The following ARSJ variants were observed in gnomAD, a reference collection of about 807,000 sequenced individuals.
ARSJ encodes arylsulfatase J.
ARSJ carries 26 observed loss-of-function variants against 35.9 expected under a neutral mutation model. The observed-to-expected ratio is 0.72, with a 90% CI of 0.53 to 1.00. The LOEUF is 1.00. Ranked by LOEUF, ARSJ falls within the 50% of genes least tolerant of loss-of-function variation. ARSJ has a pLI of 0.00. For missense variants in ARSJ, 667 were observed against 723.6 expected, an observed-to-expected ratio of 0.92 and a Z score of 0.90; for synonymous variants, 294 against 267.6, an observed-to-expected ratio of 1.10 and a Z score of -0.96.
chr4:113,902,762 A>G lies in ARSJ; in HGVS notation c.1312T>C (p.Tyr438His), dbSNP rs2099667534. Reference sequence around the variant, plus strand: ...TGGATTGCAGTGTTCCAGATCCCATAGCCTGCTGCCCAGGAGCCATTTTTT... The same window carrying G: ...TGGATTGCAGTGTTCCAGATCCCATGGCCTGCTGCCCAGGAGCCATTTTTT... Reference protein sequence around the residue: ...KAKNGSWAAGYGIWNTAIQSA... With the variant: ...KAKNGSWAAGHGIWNTAIQSA... The change falls in exon 2 of 2, where the codon TAT becomes CAT. Residue 438 changes from tyrosine to histidine, a missense_variant. Tyr to His is a moderately conservative substitution (Grantham distance 83). Coordinates refer to ENST00000315366, the MANE Select transcript of ARSJ (RefSeq NM_024590.4). 3.1e-6 allele frequency: 5 copies of G among 1,614,072 alleles called. No individual in the cohort carries two copies. Among genetic ancestry groups the G allele is most frequent in the Non-Finnish European group, 4.2e-6 (5 of 1,180,044 alleles).
chr4:113,910,016 G>T (rs1044564572), intron 1 of ARSJ, among the ~76,000 whole-genome samples: 1 of 152,002 alleles, frequency 6.6e-6, no homozygotes, highest in African/African-American at 2.4e-5. Context: ...TATTCCAAAT[G>T]CTTGTATTAC....
intron 1 of ARSJ, among the ~76,000 whole-genome samples, chr4:113,907,989 T>TA (rs2099669272): frequency 6.6e-6 from 1 of 152,142 alleles, no homozygotes; most frequent in African/African-American, 2.4e-5. Context: ...CATCGGGTAG[T>TA]ATGCTCACTA....
chr4:113,950,277 T>C (rs1725775167), intron 1 of ARSJ, among the ~76,000 whole-genome samples: 1 of 152,022 alleles, frequency 6.6e-6, no homozygotes, highest in African/African-American at 2.4e-5. Flanking sequence ...GAAAGAATAG[T>C]CCTATTCTAA....
chr4:113,926,338 A>G (rs2888763), intron 1 of ARSJ, among the ~76,000 whole-genome samples: 8,340 of 152,262 alleles, frequency 0.055, 318 homozygotes, highest in East Asian at 0.11. Context: ...AAAATGCACA[A>G]CCAGGTGCAC....
At position 113,976,473 on chromosome 4, in the gene ARSJ, C is replaced by T. The variant is rs76891544; in HGVS notation, c.398+1964G>A. 0.013 allele frequency among the ~76,000 whole-genome samples: 2,028 copies of T among 152,098 alleles called. 112 individuals are homozygous for T. The East Asian group carries it at 0.16, about 12-fold the overall frequency. On this transcript the variant is annotated intron_variant, in intron 1 of 1. Transcript: ENST00000315366. Reference sequence around the variant, plus strand: ...GTGGGAGTAATTTATATACTACTGCCCAAGATCATTGCCAGGGGCTGATTG... The same window carrying T: ...GTGGGAGTAATTTATATACTACTGCTCAAGATCATTGCCAGGGGCTGATTG...
chr4:113,929,879 T>C (rs562312014), intron 1 of ARSJ, among the ~76,000 whole-genome samples: 359 of 152,256 alleles, frequency 2.4e-3, no homozygotes, highest in African/African-American at 8.3e-3. Flanking sequence ...GTATTATGTA[T>C]AGAGTCACTA....
intron 1 of ARSJ, 46 bp downstream of exon 1, chr4:113,978,391 C>G (rs1349986489): frequency 6.7e-7 from 1 of 1,495,618 alleles, no homozygotes; most frequent in Non-Finnish European, 9.0e-7. Flanking sequence ...TCATTAAATG[C>G]TTAAGATTTC....
At chr4:113,938,163 CG>C (rs907711511) in intron 1 of ARSJ, among the ~76,000 whole-genome samples, 7 of 152,072 alleles carry the variant, frequency 4.6e-5, no homozygotes, top group Non-Finnish European at 1.0e-4. Context: ...GTAACCAAAA[CG>C]GCATGGTGCT....
chr4:113,922,682 CAG>C (rs1331494975), intron 1 of ARSJ, among the ~76,000 whole-genome samples: 2 of 152,110 alleles, frequency 1.3e-5, no homozygotes, highest in Non-Finnish European at 2.9e-5. Context: ...TAATATGAAA[CAG>C]TGTAACAATT....
intron 1 of ARSJ, among the ~76,000 whole-genome samples, chr4:113,957,234 G>A (rs1405182166): frequency 6.6e-6 from 1 of 151,976 alleles, no homozygotes; most frequent in Non-Finnish European, 1.5e-5. Context: ...GTCTTAGGAT[G>A]GTGACAGTTC....
At chr4:113,959,333 T>C (rs534034773) in intron 1 of ARSJ, among the ~76,000 whole-genome samples, 18 of 152,154 alleles carry the variant, frequency 1.2e-4, no homozygotes, top group Admixed American at 2.6e-4. Context: ...TTCTGTTTAA[T>C]GTTTCAAATG....
chr4:113,969,225 TA>T (rs1361334124), intron 1 of ARSJ, among the ~76,000 whole-genome samples: 2 of 152,098 alleles, frequency 1.3e-5, no homozygotes, highest in Admixed American at 1.3e-4. Context: ...CAACAACAAC[TA>T]AAACAGTTTG....
chr4:113,947,558 G>A (rs57639213), intron 1 of ARSJ, among the ~76,000 whole-genome samples: 44,290 of 139,180 alleles, frequency 0.32, 7,578 homozygotes, highest in Middle Eastern at 0.4. Flanking sequence ...GAGAGGGAGA[G>A]TGAGGGAGGG....
chr4:113,961,617 CA>C (rs1410617063), intron 1 of ARSJ, among the ~76,000 whole-genome samples: 1 of 151,958 alleles, frequency 6.6e-6, no homozygotes, highest in African/African-American at 2.4e-5. Context: ...TTTTGGAGAA[CA>C]AAAAGAAGAG....
chr4:113,938,865 A>G (rs139702495), intron 1 of ARSJ, among the ~76,000 whole-genome samples: 201 of 152,098 alleles, frequency 1.3e-3, no homozygotes, highest in African/African-American at 4.6e-3. Context: ...AAACCCCACA[A>G]TGAGATACCA....
chr4:113,945,893 T>A (rs1177529770), intron 1 of ARSJ, among the ~76,000 whole-genome samples: 1 of 152,084 alleles, frequency 6.6e-6, no homozygotes, highest in Non-Finnish European at 1.5e-5. Flanking sequence ...GAACCAACAA[T>A]CTTGGTTGTT....
chr4:113,970,002 C>T (rs1010017026), intron 1 of ARSJ, among the ~76,000 whole-genome samples: 1 of 152,148 alleles, frequency 6.6e-6, no homozygotes, highest in African/African-American at 2.4e-5. Context: ...TAAGAAAGCT[C>T]ATCGTTGAGA....
At chr4:113,924,354 T>G (rs1203032409) in intron 1 of ARSJ, among the ~76,000 whole-genome samples, 5 of 151,900 alleles carry the variant, frequency 3.3e-5, no homozygotes, top group Admixed American at 3.3e-4. Context: ...GGTGATTAGA[T>G]GGTGCCCACC....
intron 1 of ARSJ, among the ~76,000 whole-genome samples, chr4:113,971,979 A>C (rs1035085769): frequency 6.6e-6 from 1 of 152,240 alleles, no homozygotes; most frequent in Non-Finnish European, 1.5e-5. Flanking sequence ...CTCCTATCAG[A>C]GTGGCTGAAA....
Sources: allele counts gnomAD v4.1 joint callset (sites outside exome capture counted in the v4.1 genomes callset), GRCh38; gene constraint gnomAD v4.1.1; transcripts MANE v1.5; gene names NCBI Gene and HGNC (gene_info 2026-07-23, HGNC 2026-07-21).